The following GAS2 variants were observed in gnomAD, a reference collection of about 807,000 sequenced individuals.
GAS2 encodes the protein growth arrest-specific protein 2.
A neutral mutation model predicts 37.5 loss-of-function variants in GAS2; 20 were observed. The ratio of observed to expected loss-of-function variants is 0.53; its 90% confidence interval spans 0.37 to 0.77. The LOEUF (loss-of-function observed/expected upper bound fraction) is 0.77. Among genes scored for constraint, GAS2 ranks in the 30% least tolerant of loss-of-function variants. The pLI is 0.00. For missense variants in GAS2, 336 were observed against 373.4 expected (o/e 0.90, Z 0.82); for synonymous variants, 144 against 132.2 (o/e 1.09, Z -0.61).
intron 1 of GAS2, among the ~76,000 whole-genome samples, chr11:22,635,540 A>C (rs543183185): frequency 9.9e-4 from 151 of 152,278 alleles, no homozygotes; most frequent in African/African-American, 3.5e-3. Flanking sequence ...CTTCCCTACC[A>C]AGACAGTAAA....
At chr11:22,790,431 T>C (rs1304403533) in intron 7 of GAS2, among the ~76,000 whole-genome samples, 1 of 152,210 alleles carries the variant, frequency 6.6e-6, no homozygotes, top group Non-Finnish European at 1.5e-5. Context: ...CCTCTGCACC[T>C]GATTTCCCTC....
At chr11:22,645,116 A>G (rs141603057) in intron 1 of GAS2, among the ~76,000 whole-genome samples, 350 of 152,302 alleles carry the variant, frequency 2.3e-3, no homozygotes, top group Non-Finnish European at 3.7e-3. Flanking sequence ...CCAATTCTAC[A>G]TATCATAAAA....
chr11:22,782,754 T>C (rs1157374241), intron 7 of GAS2, among the ~76,000 whole-genome samples: 1 of 140,978 alleles, frequency 7.1e-6, no homozygotes, highest in Non-Finnish European at 1.5e-5. Flanking sequence ...ATAATAATAA[T>C]GTGATTTTGT....
intron 7 of GAS2, among the ~76,000 whole-genome samples, chr11:22,779,045 G>T (rs112906171): frequency 1.1e-3 from 154 of 136,348 alleles, no homozygotes; most frequent in African/African-American, 2.7e-3. Flanking sequence ...TAAGTTTTTT[G>T]TTTTTTTTTT....
intron 1 of GAS2, among the ~76,000 whole-genome samples, chr11:22,642,174 T>G (rs10500939): frequency 0.021 from 3,221 of 152,218 alleles, 115 homozygotes; most frequent in African/African-American, 0.072. Flanking sequence ...CTGGAACAAC[T>G]GAATACAGAT....
rs1856272493 is a variant in GAS2 at position 22,793,404 on chromosome 11, GA to G, written c.724-18390del. 3.3e-5 allele frequency among the ~76,000 whole-genome samples: 5 copies of G among 152,154 alleles called. No individual in the cohort carries two copies. In the South Asian group the frequency reaches 1.0e-3, roughly 32 times the overall value. On this transcript the variant is annotated intron_variant, in intron 7 of 7. Coordinates refer to ENST00000454584, the MANE Select transcript of GAS2 (RefSeq NM_001143830.3). ...TGTTCATTAACTGTTCAGATAGTAG[GA>G]AAACTTTATGAACATTAAAGCTTTG...
intron 1 of GAS2, among the ~76,000 whole-genome samples, chr11:22,647,353 T>G (rs1848710134): frequency 6.6e-6 from 1 of 152,146 alleles, no homozygotes; most frequent in African/African-American, 2.4e-5. Context: ...TCTAAGTCTT[T>G]GCTATTGTGA....
At chr11:22,795,238 G>C (rs1042537617) in intron 7 of GAS2, among the ~76,000 whole-genome samples, 6 of 152,070 alleles carry the variant, frequency 3.9e-5, no homozygotes, top group Admixed American at 6.6e-5. Context: ...TGTTTATCTG[G>C]ATTCCAATTT....
chr11:22,695,952 A>G (rs929304513), intron 3 of GAS2, among the ~76,000 whole-genome samples: 2 of 152,028 alleles, frequency 1.3e-5, no homozygotes, highest in Non-Finnish European at 1.5e-5. Flanking sequence ...AAATTTTATT[A>G]TTATTATACT....
chr11:22,704,452 C>T (rs990734879), intron 3 of GAS2, among the ~76,000 whole-genome samples: 2 of 150,918 alleles, frequency 1.3e-5, no homozygotes, highest in Non-Finnish European at 3.0e-5. Flanking sequence ...CCCAGTGTTT[C>T]CAGATACCAG....
chr11:22,638,178 T>C (rs960955431), intron 1 of GAS2, among the ~76,000 whole-genome samples: 7 of 152,088 alleles, frequency 4.6e-5, no homozygotes, highest in African/African-American at 1.7e-4. Flanking sequence ...AACATCTTTA[T>C]GGGCTGTGGT....
rs142463558 is a variant in GAS2, at chr11:22,794,027, A to T, written c.724-17771A>T. On this transcript the variant is annotated intron_variant, in intron 7 of 7. Transcript: ENST00000454584. Reference sequence around the variant, plus strand: ...TACTTTTGTAACGATTTCAGATAAAATTACATCTTTATATAGTGAATTGTA... The same window carrying T: ...TACTTTTGTAACGATTTCAGATAAATTTACATCTTTATATAGTGAATTGTA... Among the ~76,000 whole-genome samples, 511 of 152,254 alleles carry T rather than the reference A, an allele frequency of 3.4e-3. 1 individual carries two copies. The highest frequency in any genetic ancestry group is 6.1e-3 in the Admixed American group (94 of 15,296).
chr11:22,661,394 T>G (rs1219024820), intron 1 of GAS2, among the ~76,000 whole-genome samples: 1 of 152,178 alleles, frequency 6.6e-6, no homozygotes, highest in Non-Finnish European at 1.5e-5. Flanking sequence ...GATAAAGATT[T>G]GAAATATAAG....
At chr11:22,663,220 G>A (rs1485945973), upstream of GAS2, among the ~76,000 whole-genome samples, 1 of 152,004 alleles carries the variant, frequency 6.6e-6, no homozygotes, top group Non-Finnish European at 1.5e-5. Context: ...CCTCCCACCA[G>A]GTCCCTCTCT....
chr11:22,696,663 T>C lies in GAS2; in HGVS notation c.267+10874T>C, dbSNP rs537417573. 2.6e-3 allele frequency among the ~76,000 whole-genome samples: 389 copies of C among 151,214 alleles called. 4 individuals are homozygous for C. Among genetic ancestry groups the C allele is most frequent in the African/African-American group, 9.2e-3 (379 of 41,248 alleles). On this transcript the variant is annotated intron_variant, in intron 3 of 7. Transcript: ENST00000454584. ...ACTGGTGTGAGATGGTATCTCATTG[T>C]GGTTTTGATTTGCATTTCTCTGATG...
intron 1 of GAS2, among the ~76,000 whole-genome samples, chr11:22,631,278 G>C (rs1221830526): frequency 1.3e-5 from 2 of 152,156 alleles, no homozygotes; most frequent in African/African-American, 4.8e-5. Flanking sequence ...TCAGCAAACA[G>C]AGATAGTTTG....
At chr11:22,732,811 T>TCATCAC (rs1386583754) in intron 4 of GAS2, among the ~76,000 whole-genome samples, 2 of 148,566 alleles carry the variant, frequency 1.3e-5, no homozygotes, top group African/African-American at 2.5e-5. Flanking sequence ...ATCATCATCA[T>TCATCAC]CACCACCACC....
upstream of GAS2, chr11:22,666,597 C>T (rs1848989494): frequency 6.6e-6 from 1 of 152,136 alleles, no homozygotes; most frequent in Non-Finnish European, 1.5e-5. Flanking sequence ...CATTTGCGTC[C>T]ACCAAAAAAA....
chr11:22,678,341 A>G (rs1849531663), intron 2 of GAS2, among the ~76,000 whole-genome samples: 1 of 152,176 alleles, frequency 6.6e-6, no homozygotes, highest in Non-Finnish European at 1.5e-5. Context: ...CTTTGGAAAT[A>G]GAGGAATTAA....
Sources: allele counts gnomAD v4.1 joint callset (sites outside exome capture counted in the v4.1 genomes callset), GRCh38; gene constraint gnomAD v4.1.1; transcripts MANE v1.5; gene names NCBI Gene and HGNC (gene_info 2026-07-23, HGNC 2026-07-21).